The following MGAT4C variants were observed in gnomAD, a reference collection of about 807,000 sequenced individuals.
The protein encoded by MGAT4C is MGAT4 family member C.
A neutral mutation model predicts 40.1 loss-of-function variants in MGAT4C; 19 were observed. That is an observed-to-expected ratio of 0.47 (90% CI 0.33 to 0.70). The LOEUF is 0.70. Ranked by LOEUF, MGAT4C falls within the 30% of genes least tolerant of loss-of-function variation. The pLI, the probability that MGAT4C is intolerant of heterozygous loss-of-function variation, is 0.02. For synonymous variants in MGAT4C, 181 were observed against 187.1 expected, an observed-to-expected ratio of 0.97 and a Z score of 0.27; for missense variants, 491 against 563.2, an observed-to-expected ratio of 0.87 and a Z score of 1.30.
chr12:86,366,060 T>A (rs752726207), intron 3 of MGAT4C, among the ~76,000 whole-genome samples: 1 of 152,204 alleles, frequency 6.6e-6, no homozygotes, highest in Non-Finnish European at 1.5e-5. Flanking sequence ...ATCTATGATT[T>A]CTTTCAGCAG....
At position 85,957,226 on chromosome 12, in the gene MGAT4C, TTTTTA is replaced by T. The variant is rs1282024848; in HGVS notation, c.*22058_*22062del. 2.6e-5 allele frequency: 4 copies of T among 152,206 alleles called. No individual in the cohort carries two copies. The highest frequency in any genetic ancestry group is 4.4e-5 in the Non-Finnish European group (3 of 68,032). 9.4% of individuals were successfully genotyped at this position (152,206 alleles called of 1,614,324 possible). On this transcript the variant is annotated 3_prime_UTR_variant, in exon 5 of 5. Coordinates refer to ENST00000611864, the MANE Select transcript of MGAT4C (RefSeq NM_001351288.2). Reference sequence around the variant, plus strand: ...GAAGTTGAGGAAAGTTTATGTTTAATTTTTATTTTATTTTCTTCATCTGTAAATAA... The same window carrying T: ...GAAGTTGAGGAAAGTTTATGTTTAATTTTTATTTTCTTCATCTGTAAATAA...
chr12:86,551,291 T>A (rs1216415810), intron 2 of MGAT4C, among the ~76,000 whole-genome samples: 1 of 152,218 alleles, frequency 6.6e-6, no homozygotes, highest in East Asian at 1.9e-4. Context: ...AACAGTCTTT[T>A]GGGCCAGACC....
chr12:86,094,720 A>G (rs1873577838), intron 1 of MGAT4C, among the ~76,000 whole-genome samples: 1 of 152,048 alleles, frequency 6.6e-6, no homozygotes, highest in African/African-American at 2.4e-5. Flanking sequence ...CCTGAGTATG[A>G]GGCCTTGAAA....
In MGAT4C at chr12:86,335,816, C is replaced by A. The variant is rs951112758; in HGVS notation, c.-119-1689G>T. On this transcript the variant is annotated intron_variant, in intron 3 of 7. Transcript: ENST00000548651. ...TGACATTAAGGCACCAAAATGTCTA[C>A]AAATGTAATCATTTATCATGACCTA... Among the ~76,000 whole-genome samples the A allele has an allele frequency of 4.8e-4, 73 of 152,128 alleles. 1 individual carries two copies. Among genetic ancestry groups the A allele is most frequent in the Admixed American group, 4.8e-3 (73 of 15,248 alleles).
At chr12:86,456,873 G>A (rs975472331) in intron 2 of MGAT4C, among the ~76,000 whole-genome samples, 6 of 152,058 alleles carry the variant, frequency 3.9e-5, no homozygotes, top group Non-Finnish European at 7.4e-5. Flanking sequence ...AGGGCTATCA[G>A]AAACTTCACC....
At chr12:86,268,086 C>T (rs1254784346) in intron 4 of MGAT4C, among the ~76,000 whole-genome samples, 3 of 152,058 alleles carry the variant, frequency 2.0e-5, no homozygotes, top group African/African-American at 7.2e-5. Context: ...CTGTGTATGT[C>T]AACCTTGAAT....
chr12:86,736,089 T>C (rs1021974555), intron 1 of MGAT4C, among the ~76,000 whole-genome samples: 1 of 151,832 alleles, frequency 6.6e-6, no homozygotes, highest in African/African-American at 2.4e-5. Flanking sequence ...TCATTGTAAT[T>C]CTCTCCAAAA....
intron 2 of MGAT4C, among the ~76,000 whole-genome samples, chr12:86,715,307 C>G (rs1950626177): frequency 6.6e-6 from 1 of 151,940 alleles, no homozygotes; most frequent in Non-Finnish European, 1.5e-5. Flanking sequence ...AGCAAGCATG[C>G]TAATTTGTAC....
At chr12:86,376,844 CAGAGAG>C (rs71076192) in intron 3 of MGAT4C, among the ~76,000 whole-genome samples, 4,669 of 102,894 alleles carry the variant, frequency 0.045, 165 homozygotes, top group South Asian at 0.094. Flanking sequence ...GAGAGAGAGA[CAGAGAG>C]AGAGAGAGAG....
chr12:86,226,042 C>T (rs891082739), intron 1 of MGAT4C, among the ~76,000 whole-genome samples: 1 of 151,300 alleles, frequency 6.6e-6, no homozygotes, highest in Non-Finnish European at 1.5e-5. Flanking sequence ...AAGGCGCTTG[C>T]ATGTAATAAC....
chr12:86,816,566 A>C (rs558995007), intron 1 of MGAT4C, among the ~76,000 whole-genome samples: 1 of 151,786 alleles, frequency 6.6e-6, no homozygotes. Flanking sequence ...GTGTTCTAGA[A>C]ATTTGTCATT....
At chr12:86,432,983 T>C (rs1250862325) in intron 3 of MGAT4C, among the ~76,000 whole-genome samples, 1 of 151,902 alleles carries the variant, frequency 6.6e-6, no homozygotes, top group Admixed American at 6.6e-5. Flanking sequence ...TAGGAAGATA[T>C]CTTCATATAA....
At chr12:86,691,632 A>T (rs1383225379) in intron 2 of MGAT4C, among the ~76,000 whole-genome samples, 1 of 150,852 alleles carries the variant, frequency 6.6e-6, no homozygotes, top group Non-Finnish European at 1.5e-5. Flanking sequence ...CCATCACCAG[A>T]TGCAAAATAA....
At position 86,168,496 on chromosome 12, in the gene MGAT4C, C is replaced by T. The variant is rs183911496; in HGVS notation, c.-57+87743G>A. ...TATGAACTCTTCAAAAATGTCAGTG[C>T]CAAAGATAGAAAACAAAAAACAAAC... On this transcript the variant is annotated intron_variant, in intron 1 of 4. Coordinates refer to ENST00000611864, the MANE Select transcript of MGAT4C (RefSeq NM_001351288.2). 2.7e-4 allele frequency among the ~76,000 whole-genome samples: 41 copies of T among 151,758 alleles called. 1 individual carries two copies. The highest frequency in any genetic ancestry group is 1.0e-3 in the South Asian group (5 of 4,802).
chr12:86,024,613 G>T (rs1890085884), intron 2 of MGAT4C, among the ~76,000 whole-genome samples: 1 of 151,768 alleles, frequency 6.6e-6, no homozygotes, highest in African/African-American at 2.4e-5. Flanking sequence ...CATAGTGCAT[G>T]AATGACAAGT....
chr12:86,173,520 G>A (rs570749386), intron 1 of MGAT4C, among the ~76,000 whole-genome samples: 8 of 151,936 alleles, frequency 5.3e-5, no homozygotes, highest in Admixed American at 6.6e-5. Context: ...GGAATTGGTC[G>A]CAATGAGCCA....
At chr12:86,429,904 A>G (rs1957000347) in intron 3 of MGAT4C, among the ~76,000 whole-genome samples, 1 of 152,122 alleles carries the variant, frequency 6.6e-6, no homozygotes. Flanking sequence ...TGGAAGTCCT[A>G]TTATGTGAAA....
intron 4 of MGAT4C, among the ~76,000 whole-genome samples, chr12:86,309,664 G>A (rs898641726): frequency 3.3e-5 from 5 of 152,210 alleles, no homozygotes; most frequent in African/African-American, 1.2e-4. Flanking sequence ...GGGGATACAT[G>A]CAAACCATTG....
intron 1 of MGAT4C, among the ~76,000 whole-genome samples, chr12:86,739,246 T>C (rs1951030001): frequency 1.3e-5 from 2 of 150,236 alleles, no homozygotes; most frequent in Non-Finnish European, 3.0e-5. Flanking sequence ...AAAGCAAACA[T>C]TTTTCAATGT....
Sources: allele counts gnomAD v4.1 joint callset (sites outside exome capture counted in the v4.1 genomes callset), GRCh38; gene constraint gnomAD v4.1.1; transcripts MANE v1.5; gene names NCBI Gene and HGNC (gene_info 2026-07-23, HGNC 2026-07-21).